Variants in ALG8 observed in about 807,000 individuals in gnomAD.
The protein encoded by ALG8 is ALG8 alpha-1,3-glucosyltransferase.
ALG8 carries 48 observed loss-of-function variants against 70.2 expected under a neutral mutation model. The ratio of observed to expected loss-of-function variants is 0.68; its 90% CI spans 0.54 to 0.87. The LOEUF (loss-of-function observed/expected upper bound fraction) is 0.87. ALG8 is among the 40% of genes least tolerant of loss of function. ALG8 has a pLI of 0.00. For missense variants in ALG8, 572 were observed against 608.7 expected, an observed-to-expected ratio of 0.94 and a Z score of 0.64; for synonymous variants, 234 against 229.0, an observed-to-expected ratio of 1.02 and a Z score of -0.20.
chr11:78,117,017 C>T (rs902090242), intron 5 of ALG8, among the ~76,000 whole-genome samples: 6 of 152,120 alleles, frequency 3.9e-5, no homozygotes, highest in Admixed American at 3.3e-4. Context: ...ATTCATTGAA[C>T]ACCAGTTATA....
At chr11:78,121,729 T>C (rs989052758) in intron 3 of ALG8, among the ~76,000 whole-genome samples, 2 of 152,142 alleles carry the variant, frequency 1.3e-5, no homozygotes, top group Non-Finnish European at 2.9e-5. Context: ...CATACATTAT[T>C]TCAGTCCTTA....
chr11:78,109,109 A>G (rs1860169822), intron 9 of ALG8, among the ~76,000 whole-genome samples: 1 of 151,956 alleles, frequency 6.6e-6, no homozygotes, highest in African/African-American at 2.4e-5. Flanking sequence ...AACAAACCAA[A>G]TCTGGATGTC....
At chr11:78,107,506 A>C (rs1451177251) in intron 9 of ALG8, among the ~76,000 whole-genome samples, 1 of 147,380 alleles carries the variant, frequency 6.8e-6, no homozygotes, top group Non-Finnish European at 1.5e-5. Flanking sequence ...GGTTTGAGCC[A>C]CCGCACCTAG....
chr11:78,110,089 G>T (rs1386242058), intron 8 of ALG8, among the ~76,000 whole-genome samples: 1 of 152,084 alleles, frequency 6.6e-6, no homozygotes, highest in African/African-American at 2.4e-5. Context: ...GTGTCCCTCT[G>T]CCCAGGCAAC....
At chr11:78,118,673 G>T (rs1011258107) in intron 5 of ALG8, among the ~76,000 whole-genome samples, 3 of 151,474 alleles carry the variant, frequency 2.0e-5, no homozygotes, top group African/African-American at 7.3e-5. Flanking sequence ...GGCAGGCACA[G>T]GGGCTCATGC....
At chr11:78,105,698 T>G (rs1360041555) in intron 10 of ALG8, among the ~76,000 whole-genome samples, 1 of 140,080 alleles carries the variant, frequency 7.1e-6, no homozygotes, top group Non-Finnish European at 1.5e-5. Flanking sequence ...CCATTTATTT[T>G]AACTATCTTT....
At chr11:78,136,994 C>T (rs559086) in intron 1 of ALG8, among the ~76,000 whole-genome samples, 32,781 of 151,770 alleles carry the variant, frequency 0.22, 4,369 homozygotes, top group African/African-American at 0.37. Context: ...CTCCACCTCC[C>T]GGGTTCAAGT....
At chr11:78,120,716 C>A (rs1860783708) in intron 4 of ALG8, among the ~76,000 whole-genome samples, 1 of 152,192 alleles carries the variant, frequency 6.6e-6, no homozygotes, top group African/African-American at 2.4e-5. Context: ...CCCACACGCA[C>A]ACTGTGATAT....
At chr11:78,116,667 G>GT (rs1860586591) in intron 5 of ALG8, among the ~76,000 whole-genome samples, 1 of 151,590 alleles carries the variant, frequency 6.6e-6, no homozygotes, top group Non-Finnish European at 1.5e-5. Context: ...ACAGTGTGCT[G>GT]TGACTCCACC....
At chr11:78,123,763 G>A (rs914207008) in intron 3 of ALG8, among the ~76,000 whole-genome samples, 1 of 152,078 alleles carries the variant, frequency 6.6e-6, no homozygotes, top group African/African-American at 2.4e-5. Flanking sequence ...AACTATACTT[G>A]GGACTACTTC....
chr11:78,124,969 G>A (rs1860999844), intron 2 of ALG8, among the ~76,000 whole-genome samples: 1 of 151,632 alleles, frequency 6.6e-6, no homozygotes, highest in African/African-American at 2.4e-5. Context: ...AATGAAAACA[G>A]AAATCATATG....
Position 78,102,200 on chromosome 11 carries a change from C to G in ALG8, c.1350-1005G>C, listed in dbSNP as rs548227492. Among the ~76,000 whole-genome samples, 376 of 152,302 alleles carry G rather than the reference C, an allele frequency of 2.5e-3. 3 individuals are homozygous for G. Among genetic ancestry groups the G allele is most frequent in the Admixed American group, 3.9e-3 (60 of 15,288 alleles). On this transcript the variant is annotated intron_variant, in intron 12 of 12. Transcript: ENST00000299626. ...TTCAAAATATTTTCGTGACCCCAAA[C>G]AGAAACTCTGGAACCATTAACAATA... is the stretch of plus-strand genomic sequence containing the variant.
intron 2 of ALG8, among the ~76,000 whole-genome samples, chr11:78,124,819 T>C (rs1860991574): frequency 6.6e-6 from 1 of 152,188 alleles, no homozygotes; most frequent in Admixed American, 6.5e-5. Flanking sequence ...AATGCTATTA[T>C]ATTTTGTTTC....
chr11:78,106,683 T>A (rs1194597367), intron 10 of ALG8, 124 bp downstream of exon 10: 5 of 1,283,146 alleles, frequency 3.9e-6, no homozygotes, highest in Non-Finnish European at 5.6e-6. Flanking sequence ...CTAGTGGACA[T>A]CTGTTCCTAT....
chr11:78,137,018 C>T (rs531902768), intron 1 of ALG8, among the ~76,000 whole-genome samples: 1 of 152,232 alleles, frequency 6.6e-6, no homozygotes, highest in Non-Finnish European at 1.5e-5. Context: ...TCTCCTGCCT[C>T]AGCCTCCCAA....
At chr11:78,113,550 T>TA (rs1860399465) in intron 7 of ALG8, among the ~76,000 whole-genome samples, 1 of 151,856 alleles carries the variant, frequency 6.6e-6, no homozygotes, top group African/African-American at 2.4e-5. Flanking sequence ...CTGTCTCTAC[T>TA]AAAAATACAA....
intron 2 of ALG8, among the ~76,000 whole-genome samples, chr11:78,126,268 C>T (rs55844113): frequency 0.05 from 7,550 of 152,150 alleles, 227 homozygotes; most frequent in Admixed American, 0.1. Flanking sequence ...CAGTGGCTCA[C>T]GCCTGTAATC....
chr11:78,109,050 G>A (rs1860167673), intron 9 of ALG8, among the ~76,000 whole-genome samples: 1 of 152,074 alleles, frequency 6.6e-6, no homozygotes. Context: ...AAACATCCAC[G>A]CTGTCCAGAT....
intron 3 of ALG8, among the ~76,000 whole-genome samples, chr11:78,123,536 C>T (rs1860925942): frequency 6.6e-6 from 1 of 151,956 alleles, no homozygotes; most frequent in South Asian, 2.1e-4. Flanking sequence ...TATATGGAAA[C>T]AACTAAAAGC....
Sources: gnomAD v4.1 joint callset for allele counts (sites outside exome capture counted in the v4.1 genomes callset) on GRCh38, gnomAD v4.1.1 for gene constraint, MANE v1.5 for transcripts, NCBI Gene and HGNC (gene_info 2026-07-23, HGNC 2026-07-21) for gene names.